ELN: variants seen among roughly 807,000 people sequenced by gnomAD.
The protein encoded by ELN is elastin.
Under a neutral mutation model 105.8 loss-of-function variants are expected in ELN, and 65 were observed. The ratio of observed to expected loss-of-function variants is 0.61; its 90% CI spans 0.50 to 0.75. The LOEUF (loss-of-function observed/expected upper bound fraction) is 0.75, where lower values mean the gene tolerates loss of function less well. ELN is among the 30% of genes least tolerant of loss of function. ELN has a pLI of 0.00. For missense variants in ELN, 882 were observed against 969.4 expected (o/e 0.91, Z 1.20); for synonymous variants, 368 against 389.2 (o/e 0.95, Z 0.64).
intron 4 of ELN, among the ~76,000 whole-genome samples, chr7:74,040,893 C>A (rs1285843157): frequency 6.6e-6 from 1 of 152,142 alleles, no homozygotes; most frequent in Non-Finnish European, 1.5e-5. Context: ...GGGGTGAGGT[C>A]TCGCTCACGG....
intron 11 of ELN, 31 bp from the exon 12 acceptor site, chr7:74,046,665 G>A (rs1792605414): frequency 6.2e-7 from 1 of 1,613,174 alleles, no homozygotes; most frequent in Non-Finnish European, 8.5e-7. Flanking sequence ...GGGGGTGCTG[G>A]GACCTGAACT....
intron 15 of ELN, among the ~76,000 whole-genome samples, chr7:74,049,051 C>CCATCCACTCATCCATCCACT (rs1793256551): frequency 7.2e-6 from 1 of 138,550 alleles, no homozygotes; most frequent in African/African-American, 2.7e-5. Flanking sequence ...CTCCCTCCAT[C>CCATCCACTCATCCATCCACT]CATTCATCCA....
Position 74,063,563 on chromosome 7 carries a change from C to G in ELN, c.1919-58C>G. ...GAGGACACCTCCGCCCTCCACAGGC[C>G]GAGGCTTCAGTCCCACCTTTCTGAC... On this transcript the variant is annotated intron_variant, in intron 28 of 32. Transcript: ENST00000252034. This position sits in a 1 kb window ranked among gnomAD's most constrained non-coding sequence, Gnocchi z 4.1. 6.2e-7 allele frequency: 1 copy of G among 1,613,184 alleles called. No individual in the cohort carries two copies. The highest frequency in any genetic ancestry group is 8.5e-7 in the Non-Finnish European group (1 of 1,179,302).
intron 29 of ELN, among the ~76,000 whole-genome samples, chr7:74,064,370 G>T (rs551560996): frequency 6.7e-6 from 1 of 149,288 alleles, no homozygotes; most frequent in Non-Finnish European, 1.5e-5. Flanking sequence ...AGCCGAGATC[G>T]CGCCACTGCA....
chr7:74,048,355 G>C, intron 14 of ELN, 148 bp from the exon 15 acceptor site: 1 of 1,479,580 alleles, frequency 6.8e-7, no homozygotes, highest in African/African-American at 1.4e-5. Context: ...GGGAGGAGTG[G>C]GGCAGCTCCA....
chr7:74,044,845 G>A (rs1482105090), intron 9 of ELN, among the ~76,000 whole-genome samples: 1 of 152,350 alleles, frequency 6.6e-6, no homozygotes, highest in East Asian at 1.9e-4. Context: ...GGTTGTGAGC[G>A]AGAGCCCCAG....
intron 15 of ELN, 24 bp from the exon 16 acceptor site, chr7:74,051,726 A>C: frequency 6.2e-7 from 1 of 1,613,892 alleles, no homozygotes; most frequent in East Asian, 2.2e-5. Flanking sequence ...GGGAAACTAC[A>C]TTGCACTGTC....
chr7:74,043,326 G>A, intron 8 of ELN, 158 bp downstream of exon 8: 1 of 1,137,990 alleles, frequency 8.8e-7, no homozygotes, highest in Non-Finnish European at 1.3e-6. Flanking sequence ...CTGCGTCTGT[G>A]AAATGGGGAG....
chr7:74,048,631 T>G, intron 15 of ELN, 75 bp downstream of exon 15: 1 of 1,587,812 alleles, frequency 6.3e-7, no homozygotes, highest in Non-Finnish European at 8.6e-7. Context: ...ATTGACAGCC[T>G]GCCTCCAAAG....
At chr7:74,066,522 G>A (rs992679820) in intron 31 of ELN, among the ~76,000 whole-genome samples, 1 of 152,038 alleles carries the variant, frequency 6.6e-6, no homozygotes, top group Non-Finnish European at 1.5e-5. Flanking sequence ...AGCCAAGATC[G>A]CACCACTGCA....
At chr7:74,039,335 T>A (rs1790654027) in intron 4 of ELN, among the ~76,000 whole-genome samples, 1 of 152,156 alleles carries the variant, frequency 6.6e-6, no homozygotes, top group Non-Finnish European at 1.5e-5. Flanking sequence ...AAGGGCAGTG[T>A]TTCCAGGCAA....
rs565400803 is a variant in ELN at position 74,069,270 on chromosome 7, G to A, written c.*570G>A. 14 of 238,264 alleles carry A rather than the reference G, an allele frequency of 5.9e-5. No individual in the cohort carries two copies. The highest frequency in any genetic ancestry group is 8.3e-5 in the Non-Finnish European group (10 of 120,640). The allele number at this position is 238,264 out of a possible 1,614,324, so 14.8% of individuals were successfully genotyped here. On this transcript the variant is annotated 3_prime_UTR_variant, in exon 33 of 33. Coordinates refer to ENST00000252034, the MANE Select transcript of ELN (RefSeq NM_000501.4). ...ACCGATCGCTGTTCCCCACATCTGGGGCGCTTTTGGGTTGGAAAACCACCC... is the reference window on the plus strand; with the variant it reads ...ACCGATCGCTGTTCCCCACATCTGGAGCGCTTTTGGGTTGGAAAACCACCC...
chr7:74,045,412 A>G lies in ELN; in HGVS notation c.541+119A>G, dbSNP rs548884779. 2,152 of 1,172,628 alleles carry G rather than the reference A, an allele frequency of 1.8e-3. 7 individuals are homozygous for G. In the Middle Eastern group the frequency reaches 0.023, roughly 12 times the overall value. The allele number at this position is 1,172,628 out of a possible 1,614,324, so 72.6% of individuals were successfully genotyped here. A position where few individuals can be genotyped will look rare whatever the true frequency, so the allele number is the denominator to read the frequency against. On this transcript the variant is annotated intron_variant, in intron 10 of 32. Coordinates refer to ENST00000252034, the MANE Select transcript of ELN (RefSeq NM_000501.4). ...CAGGGCCCTCTGGGTGACACTTTTTATGTTCCAGCCCTGGGCAGCCTGGTG... is the reference window on the plus strand; with the variant it reads ...CAGGGCCCTCTGGGTGACACTTTTTGTGTTCCAGCCCTGGGCAGCCTGGTG...
chr7:74,039,523 G>T (rs949876672), intron 4 of ELN, among the ~76,000 whole-genome samples: 2 of 152,254 alleles, frequency 1.3e-5, no homozygotes, highest in African/African-American at 4.8e-5. Context: ...TAATCCCTTG[G>T]TGACAGAGGG....
chr7:74,069,078 G>T lies in ELN; in HGVS notation c.*378G>T. ...CCCCTCGGGGAACCCCCTACCTGGG[G>T]CTCCTCTAAAGATGGTGCAGACACT... On this transcript the variant is annotated 3_prime_UTR_variant, in exon 33 of 33. Transcript: ENST00000252034. 4.9e-6 allele frequency: 2 copies of T among 406,754 alleles called. No individual in the cohort carries two copies. The highest frequency in any genetic ancestry group is 5.3e-5 in the South Asian group (2 of 37,858). 25.2% of individuals were successfully genotyped at this position (406,754 alleles called of 1,614,324 possible). A position where few individuals can be genotyped will look rare whatever the true frequency, so the allele number is the denominator to read the frequency against.
At chr7:74,043,602 AGGGACATCTGGAAGCT>A (rs1554670233) in intron 8 of ELN, 1 of 637,796 alleles carries the variant, frequency 1.6e-6, no homozygotes. Flanking sequence ...CGCAGCAGGG[AGGGACATCTGGAAGCT>A]GTTAGCCAGA....
chr7:74,044,496 C>G (rs1791996156), intron 9 of ELN, among the ~76,000 whole-genome samples: 1 of 152,128 alleles, frequency 6.6e-6, no homozygotes, highest in African/African-American at 2.4e-5. Context: ...CGAGGCGGGC[C>G]CCCGAGGACA....
chr7:74,035,434 C>T lies in ELN; in HGVS notation c.133+20C>T, dbSNP rs782637996. On this transcript the variant is annotated intron_variant, in intron 2 of 32. Transcript: ENST00000252034. Reference sequence around the variant, plus strand: ...ATCCAGGTAACGTACATGAAACTTCCACACACCCAGGTCATGCGGATGATG... The same window carrying T: ...ATCCAGGTAACGTACATGAAACTTCTACACACCCAGGTCATGCGGATGATG... 17 of 1,613,856 alleles carry T rather than the reference C, an allele frequency of 1.1e-5. No individual in the cohort carries two copies. In the Middle Eastern group the frequency reaches 8.2e-4, roughly 78 times the overall value.
intron 11 of ELN, 134 bp from the exon 12 acceptor site, chr7:74,046,562 C>A: frequency 1.1e-6 from 1 of 920,552 alleles, no homozygotes. Context: ...GATGGAGATT[C>A]AGGGAGTCCC....
Sources: allele counts gnomAD v4.1 joint callset (sites outside exome capture counted in the v4.1 genomes callset), GRCh38; gene constraint gnomAD v4.1.1; non-coding constraint Gnocchi (gnomAD v3.1); transcripts MANE v1.5; gene names NCBI Gene and HGNC (gene_info 2026-07-23, HGNC 2026-07-21).